SCLT1: variants seen among roughly 807,000 people sequenced by gnomAD.
SCLT1 encodes the protein sodium channel-associated protein 1.
A neutral mutation model predicts 112.8 loss-of-function variants in SCLT1; 78 were observed. The observed-to-expected ratio is 0.69, with a 90% CI of 0.58 to 0.83. The LOEUF (loss-of-function observed/expected upper bound fraction) is 0.83. Ranked by LOEUF, SCLT1 falls within the 40% of genes least tolerant of loss-of-function variation. SCLT1 has a pLI of 0.00. For synonymous variants in SCLT1, 257 were observed against 254.7 expected (o/e 1.01, Z -0.09); for missense variants, 747 against 770.4 (o/e 0.97, Z 0.36).
At chr4:128,895,794 A>G (rs1359046248) in intron 18 of SCLT1, among the ~76,000 whole-genome samples, 1 of 152,178 alleles carries the variant, frequency 6.6e-6, no homozygotes, top group Non-Finnish European at 1.5e-5. Context: ...TAGTCAAAGA[A>G]AGGGGTGACA....
At position 128,946,120 on chromosome 4, in the gene SCLT1, A is replaced by T; in HGVS notation, c.1326T>A (p.Asp442Glu). Residue 442 changes from aspartate (D) to glutamate (E), a missense_variant, in exon 16 of 21, where the codon GAT becomes GAA. Around this residue, in one of 2 missense-constraint regions of SCLT1, gnomAD observed 723 missense variants for 721.3 expected, o/e 1.00. Coordinates refer to ENST00000281142, the MANE Select transcript of SCLT1 (RefSeq NM_144643.4). Reference sequence around the variant, plus strand: ...GGTGCATTTCTTCCAGTTTTCTGTAATCACTCTCATTTCCTCTGCCTTCAC... The same window carrying T: ...GGTGCATTTCTTCCAGTTTTCTGTATTCACTCTCATTTCCTCTGCCTTCAC... ...IYREGRGNES[D>E]YRKLEEMHQR... 8 of 1,606,194 alleles carry T rather than the reference A, an allele frequency of 5.0e-6. No individual in the cohort carries two copies. The highest frequency in any genetic ancestry group is 6.8e-6 in the Non-Finnish European group (8 of 1,173,124).
At chr4:128,888,062 C>T (rs561882385) in intron 20 of SCLT1, among the ~76,000 whole-genome samples, 1 of 152,112 alleles carries the variant, frequency 6.6e-6, no homozygotes, top group East Asian at 1.9e-4. Context: ...ATGTGATAGC[C>T]CTAGCTACAT....
chr4:129,065,399 C>T (rs1220549577), intron 2 of SCLT1, among the ~76,000 whole-genome samples: 6 of 152,084 alleles, frequency 3.9e-5, no homozygotes, highest in South Asian at 2.1e-4. Flanking sequence ...AATTTATTCA[C>T]ATTTAATATA....
chr4:128,999,421 T>C (rs193240842), intron 7 of SCLT1, among the ~76,000 whole-genome samples: 9 of 152,130 alleles, frequency 5.9e-5, no homozygotes, highest in Non-Finnish European at 7.4e-5. Flanking sequence ...TTAAAGTTGC[T>C]CTTTAGCACT....
intron 2 of SCLT1, among the ~76,000 whole-genome samples, chr4:129,076,279 A>G (rs889379779): frequency 3.3e-5 from 5 of 152,108 alleles, no homozygotes; most frequent in Non-Finnish European, 1.5e-5. Context: ...GAGTATATTA[A>G]TGTTTGTTGA....
intron 4 of SCLT1, chr4:129,040,213 C>G: frequency 1.4e-6 from 1 of 702,478 alleles, no homozygotes; most frequent in South Asian, 1.5e-5. Flanking sequence ...CTCGTTATGC[C>G]TGAAACACAA....
chr4:129,043,573 A>C, intron 3 of SCLT1, 106 bp from the exon 4 acceptor site: 1 of 585,388 alleles, frequency 1.7e-6, no homozygotes, highest in South Asian at 2.4e-5. Context: ...TAGTTTACTC[A>C]TGCAATAAAA....
chr4:128,958,456 T>C (rs907552048), intron 12 of SCLT1, among the ~76,000 whole-genome samples: 3 of 152,134 alleles, frequency 2.0e-5, no homozygotes, highest in African/African-American at 4.8e-5. Context: ...ATTGTAACCA[T>C]AGACAGCCTC....
intron 5 of SCLT1, among the ~76,000 whole-genome samples, chr4:129,023,415 A>G (rs1294321160): frequency 6.6e-6 from 1 of 152,252 alleles, no homozygotes; most frequent in Non-Finnish European, 1.5e-5. Context: ...TCACGTGTAA[A>G]GACACACATA....
At chr4:129,050,247 T>C (rs2125710192) in intron 2 of SCLT1, among the ~76,000 whole-genome samples, 1 of 152,340 alleles carries the variant, frequency 6.6e-6, no homozygotes, top group African/African-American at 2.4e-5. Context: ...TTTAGGTATA[T>C]ACACAGTAAT....
intron 4 of SCLT1, chr4:129,040,025 G>T: frequency 5.1e-6 from 3 of 590,324 alleles, no homozygotes; most frequent in South Asian, 4.0e-5. Flanking sequence ...TGCTTCCTAA[G>T]CTAAAGGAGA....
At chr4:128,921,072 T>C (rs932524979) in intron 18 of SCLT1, among the ~76,000 whole-genome samples, 4 of 151,878 alleles carry the variant, frequency 2.6e-5, no homozygotes, top group African/African-American at 4.8e-5. Flanking sequence ...ACAAAAAGAA[T>C]AAAATACAAA....
chr4:129,028,465 G>C (rs950862777), intron 5 of SCLT1, among the ~76,000 whole-genome samples: 5 of 152,168 alleles, frequency 3.3e-5, no homozygotes, highest in Admixed American at 6.5e-5. Context: ...GGGAAAACTG[G>C]CTAGCCGTAT....
At chr4:128,875,337 T>C (rs1439222079) in intron 4 of SCLT1, 1 of 152,540 alleles carries the variant, frequency 6.6e-6, no homozygotes, top group Non-Finnish European at 1.5e-5. Context: ...ATGAGAACTG[T>C]AGAGAACATA....
rs184583322 is a variant in SCLT1 at position 129,055,480 on chromosome 4, G to A, written c.103-11429C>T. ...TGCCTTTCTTTCAGAGATACCCTAT[G>A]AACATGAATCTAGAGAGGCATTCTG... On this transcript the variant is annotated intron_variant, in intron 2 of 20. Transcript: ENST00000281142. 3.7e-4 allele frequency among the ~76,000 whole-genome samples: 56 copies of A among 152,278 alleles called. 2 individuals are homozygous for A. Among genetic ancestry groups the A allele is most frequent in the Admixed American group, 3.3e-3 (50 of 15,296 alleles).
chr4:129,059,008 A>G (rs1000383802), intron 2 of SCLT1, among the ~76,000 whole-genome samples: 1 of 152,092 alleles, frequency 6.6e-6, no homozygotes, highest in Non-Finnish European at 1.5e-5. Flanking sequence ...ATTCATCATG[A>G]TATAATTGAA....
chr4:128,942,770 T>C (rs927744577), intron 17 of SCLT1, among the ~76,000 whole-genome samples: 7 of 152,098 alleles, frequency 4.6e-5, no homozygotes, highest in African/African-American at 9.7e-5. Flanking sequence ...TATTTCGTGG[T>C]TGGAAAAGAA....
At chr4:128,993,563 G>T (rs563886188) in intron 8 of SCLT1, among the ~76,000 whole-genome samples, 4 of 152,044 alleles carry the variant, frequency 2.6e-5, no homozygotes, top group African/African-American at 9.6e-5. Context: ...TAAGAGCTCC[G>T]CAACTGCATC....
At chr4:128,880,743 C>A (rs1732620368), downstream of SCLT1, among the ~76,000 whole-genome samples, 3 of 152,108 alleles carry the variant, frequency 2.0e-5, no homozygotes, top group Admixed American at 2.0e-4. Context: ...TCATCCTAAA[C>A]CCTGAAAAAT....
Sources: gnomAD v4.1 joint callset for allele counts (sites outside exome capture counted in the v4.1 genomes callset) on GRCh38, gnomAD v4.1.1 for gene constraint, gnomAD v4.1.1 regional missense constraint, MANE v1.5 for transcripts, NCBI Gene and HGNC (gene_info 2026-07-23, HGNC 2026-07-21) for gene names.